Variants in PLCZ1 observed in about 807,000 individuals in gnomAD.
The protein encoded by PLCZ1 is 1-phosphatidylinositol 4,5-bisphosphate phosphodiesterase zeta-1.
A neutral mutation model predicts 76.8 loss-of-function variants in PLCZ1; 64 were observed. That is an observed-to-expected ratio of 0.83 (90% CI 0.68 to 1.03). PLCZ1 has a LOEUF of 1.03. Among genes scored for constraint, PLCZ1 ranks in the 50% least tolerant of loss-of-function variants. The pLI is 0.00. For synonymous variants in PLCZ1, 248 were observed against 230.8 expected, an observed-to-expected ratio of 1.07 and a Z score of -0.68; for missense variants, 751 against 713.7, an observed-to-expected ratio of 1.05 and a Z score of -0.60.
chr12:18,714,620 T>C (rs140771922), intron 5 of PLCZ1: 4 of 152,214 alleles, frequency 2.6e-5, no homozygotes, highest in African/African-American at 7.2e-5. Context: ...CATAGAGATA[T>C]TTTTCCATAG....
chr12:18,696,854 T>C (rs996382769), intron 10 of PLCZ1, among the ~76,000 whole-genome samples: 5 of 152,162 alleles, frequency 3.3e-5, no homozygotes, highest in Non-Finnish European at 5.9e-5. Context: ...CATGTCTCCA[T>C]TGAAAAACTT....
downstream of PLCZ1, among the ~76,000 whole-genome samples, chr12:18,682,501 G>T (rs1952515328): frequency 6.6e-6 from 1 of 151,876 alleles, no homozygotes; most frequent in African/African-American, 2.4e-5. Context: ...TTTTGCTGTT[G>T]GTAAGAAGTC....
chr12:18,653,564 C>A, the PLCZ1 span, among the ~76,000 whole-genome samples: 1 of 152,106 alleles, frequency 6.6e-6, no homozygotes, highest in African/African-American at 2.4e-5. Flanking sequence ...CTAAACTTCA[C>A]CAAATTGTGT....
At chr12:18,661,685 A>T in the PLCZ1 span, among the ~76,000 whole-genome samples, 1 of 152,166 alleles carries the variant, frequency 6.6e-6, no homozygotes, top group Non-Finnish European at 1.5e-5. Context: ...GGATGCTTAT[A>T]CACTGCTGGT....
At chr12:18,702,925 A>T (rs1592131501) in intron 7 of PLCZ1, among the ~76,000 whole-genome samples, 1 of 149,222 alleles carries the variant, frequency 6.7e-6, no homozygotes, top group East Asian at 2.0e-4. Context: ...GGTTCAAGAG[A>T]TTCTCCTGCC....
At chr12:18,700,031 T>G (rs923952375) in intron 9 of PLCZ1, 81 bp from the exon 10 acceptor site, 43 of 1,115,090 alleles carry the variant, frequency 3.9e-5, no homozygotes, top group Non-Finnish European at 2.6e-5. Context: ...AAAATACACT[T>G]TCAAACAAAT....
intron 6 of PLCZ1, among the ~76,000 whole-genome samples, chr12:18,711,922 A>G (rs1957393678): frequency 6.6e-6 from 1 of 152,126 alleles, no homozygotes; most frequent in South Asian, 2.1e-4. Flanking sequence ...GAAATTGTTC[A>G]TATATGATAT....
At chr12:18,706,537 A>G (rs2137332591) in intron 6 of PLCZ1, among the ~76,000 whole-genome samples, 1 of 152,346 alleles carries the variant, frequency 6.6e-6, no homozygotes, top group African/African-American at 2.4e-5. Context: ...AGTTTTATTA[A>G]GTGAAGGTGG....
the PLCZ1 span, among the ~76,000 whole-genome samples, chr12:18,666,402 C>T: frequency 2.0e-5 from 3 of 151,890 alleles, no homozygotes; most frequent in African/African-American, 7.3e-5. Context: ...TACATTTATG[C>T]AAATAGTCTC....
chr12:18,710,932 G>C (rs1026494324), intron 6 of PLCZ1, among the ~76,000 whole-genome samples: 2 of 152,074 alleles, frequency 1.3e-5, no homozygotes, highest in African/African-American at 4.8e-5. Flanking sequence ...TTACACTGTT[G>C]GTTGGACTGT....
chr12:18,651,306 T>TGG, the PLCZ1 span, among the ~76,000 whole-genome samples: 10 of 151,598 alleles, frequency 6.6e-5, no homozygotes, highest in Middle Eastern at 3.4e-3. Flanking sequence ...GTCTCTGCCC[T>TGG]GCCTACCTTG....
chr12:18,701,248 G>C (rs1205223726), intron 9 of PLCZ1, among the ~76,000 whole-genome samples: 1 of 152,038 alleles, frequency 6.6e-6, no homozygotes, highest in African/African-American at 2.4e-5. Context: ...GCCTCCCAAA[G>C]TGCTGGGATT....
intron 3 of PLCZ1, among the ~76,000 whole-genome samples, chr12:18,728,288 T>C (rs897239999): frequency 6.6e-6 from 1 of 152,190 alleles, no homozygotes; most frequent in Non-Finnish European, 1.5e-5. Context: ...TTACACTCAA[T>C]ATCCTTATGT....
intron 5 of PLCZ1, among the ~76,000 whole-genome samples, chr12:18,717,265 G>A (rs1391942212): frequency 6.6e-6 from 1 of 151,832 alleles, no homozygotes; most frequent in Admixed American, 6.6e-5. Flanking sequence ...AAAAATGAAT[G>A]GAAATTCCTA....
At chr12:18,716,464 G>A (rs977957169) in intron 5 of PLCZ1, among the ~76,000 whole-genome samples, 4 of 152,172 alleles carry the variant, frequency 2.6e-5, no homozygotes, top group Admixed American at 1.3e-4. Flanking sequence ...GCACCCAAGA[G>A]AAAGTTTTAC....
At chr12:18,670,884 A>G in the PLCZ1 span, among the ~76,000 whole-genome samples, 1 of 152,136 alleles carries the variant, frequency 6.6e-6, no homozygotes, top group African/African-American at 2.4e-5. Context: ...ATTATTTAAG[A>G]AAACAAACAC....
chr12:18,726,935 T>C (rs1958783045), intron 3 of PLCZ1, among the ~76,000 whole-genome samples: 2 of 152,102 alleles, frequency 1.3e-5, no homozygotes, highest in African/African-American at 2.4e-5. Flanking sequence ...TTACCAAATA[T>C]ATGAGTCAGA....
intron 7 of PLCZ1, among the ~76,000 whole-genome samples, chr12:18,703,136 T>C (rs1462550254): frequency 2.6e-5 from 4 of 152,210 alleles, no homozygotes; most frequent in Non-Finnish European, 5.9e-5. Context: ...AATTGGACTA[T>C]GATTTGGGTT....
intron 5 of PLCZ1, chr12:18,714,703 C>T (rs1490836010): frequency 1.3e-5 from 2 of 152,092 alleles, no homozygotes; most frequent in Non-Finnish European, 2.9e-5. Context: ...CTTTGCCTCA[C>T]AGGAGGGATT....
Sources: allele counts gnomAD v4.1 joint callset (sites outside exome capture counted in the v4.1 genomes callset), GRCh38; gene constraint gnomAD v4.1.1; transcripts MANE v1.5; gene names NCBI Gene and HGNC (gene_info 2026-07-23, HGNC 2026-07-21).